LMX1A: variants seen among roughly 807,000 people sequenced by gnomAD.
The protein encoded by LMX1A is LIM homeobox transcription factor 1-alpha.
A neutral mutation model predicts 49.1 loss-of-function variants in LMX1A; 15 were observed. The ratio of observed to expected loss-of-function variants is 0.31; its 90% CI spans 0.20 to 0.47. The LOEUF (loss-of-function observed/expected upper bound fraction) is 0.47. Ranked by LOEUF, LMX1A falls within the 20% of genes least tolerant of loss-of-function variation. LMX1A has a pLI of 1.00. For missense variants in LMX1A, 372 were observed against 475.8 expected, an observed-to-expected ratio of 0.78 and a Z score of 2.03; for synonymous variants, 167 against 185.7, an observed-to-expected ratio of 0.90 and a Z score of 0.82.
chr1:165,292,321 A>C (rs1251460206), intron 3 of LMX1A, among the ~76,000 whole-genome samples: 2 of 152,206 alleles, frequency 1.3e-5, no homozygotes, highest in Non-Finnish European at 2.9e-5. Flanking sequence ...ATAGTTACCT[A>C]TTCAGAAAAC....
At chr1:165,256,075 C>T (rs1653225947) in intron 3 of LMX1A, among the ~76,000 whole-genome samples, 1 of 152,210 alleles carries the variant, frequency 6.6e-6, no homozygotes. Flanking sequence ...ATCTCCAGAG[C>T]ATAGTGCTGA....
Position 165,205,723 on chromosome 1 carries a change from G to C in LMX1A, c.988+141C>G, listed in dbSNP as rs936261216. On this transcript the variant is annotated intron_variant, in intron 8 of 8. Transcript: ENST00000342310. ...TTTCTCCTGTAGTCATTGGTTAGGC[G>C]ATTCTGGCAGTATTTTGTAGGGCAC... The C allele has an allele frequency of 6.9e-6, 5 of 720,108 alleles. No individual in the cohort carries two copies. In the African/African-American group the frequency reaches 9.0e-5, roughly 13 times the overall value. 44.6% of individuals were successfully genotyped at this position (720,108 alleles called of 1,614,324 possible).
chr1:165,322,299 T>G (rs6688855), intron 3 of LMX1A, among the ~76,000 whole-genome samples: 49,005 of 152,116 alleles, frequency 0.32, 8,709 homozygotes, highest in East Asian at 0.7. Flanking sequence ...AGAATTGTCA[T>G]GTGACCAAGC....
chr1:165,228,174 G>A (rs72702409), intron 4 of LMX1A, among the ~76,000 whole-genome samples: 225 of 152,308 alleles, frequency 1.5e-3, no homozygotes, highest in Non-Finnish European at 2.6e-3. Flanking sequence ...AGTGACTGAT[G>A]GAGAAGTCAG....
At chr1:165,286,065 G>C (rs1338860661) in intron 3 of LMX1A, among the ~76,000 whole-genome samples, 3 of 152,208 alleles carry the variant, frequency 2.0e-5, no homozygotes, top group East Asian at 1.9e-4. Context: ...GAATTGGCAT[G>C]AGGGCCCCTG....
At chr1:165,292,562 C>T (rs1007419645) in intron 3 of LMX1A, among the ~76,000 whole-genome samples, 10 of 152,340 alleles carry the variant, frequency 6.6e-5, no homozygotes, top group Admixed American at 6.5e-4. Flanking sequence ...TGGCATCAAT[C>T]TGTGCACCTA....
intron 4 of LMX1A, among the ~76,000 whole-genome samples, chr1:165,220,898 A>G (rs1182096333): frequency 6.6e-6 from 1 of 152,158 alleles, no homozygotes; most frequent in Non-Finnish European, 1.5e-5. Flanking sequence ...AAAATTCCTC[A>G]TGTCTCTGAG....
In LMX1A at chr1:165,355,804, TA is replaced by T. The variant is rs1278606361; in HGVS notation, c.-22-224del. 3 of 523,516 alleles carry T rather than the reference TA, an allele frequency of 5.7e-6. No individual in the cohort carries two copies. Among genetic ancestry groups the T allele is most frequent in the Non-Finnish European group, 1.0e-5 (3 of 295,140 alleles). The allele number at this position is 523,516 out of a possible 1,614,324, so 32.4% of individuals were successfully genotyped here. ...ACTTGAAGTCAACACGTTATGTACT[TA>T]GGCCTCCGCCCCCCAACTGCGTTTC... On this transcript the variant is annotated intron_variant, in intron 1 of 8. Transcript: ENST00000342310. This position sits in a 1 kb window ranked among gnomAD's most constrained non-coding sequence, Gnocchi z 4.7.
intron 3 of LMX1A, among the ~76,000 whole-genome samples, chr1:165,340,505 G>C (rs1015456690): frequency 1.3e-5 from 2 of 152,128 alleles, no homozygotes; most frequent in African/African-American, 4.8e-5. Flanking sequence ...CTGCCTCTGT[G>C]TCATCTCATT....
In LMX1A at chr1:165,205,891, T is replaced by A. The variant is rs1450653955; in HGVS notation, c.961A>T (p.Met321Leu). Reference protein sequence around the residue: ...PFRQGLTPPQMPGDHMHPYGA... With the variant: ...PFRQGLTPPQLPGDHMHPYGA... ...TAAGGGTGCATGTGGTCTCCAGGCA[T>A]CTGGGGTGGGGTGAGACCCTGTCGG... Residue 321 changes from methionine (M) to leucine (L), a missense_variant, in exon 8 of 9, where the codon ATG becomes TTG. Around this residue, in one of 3 missense-constraint regions of LMX1A, gnomAD observed 127 missense variants for 138.0 expected, o/e 0.92. Coordinates refer to ENST00000342310, the MANE Select transcript of LMX1A (RefSeq NM_177398.4). 6.2e-7 allele frequency: 1 copy of A among 1,613,822 alleles called. No individual in the cohort carries two copies. The highest frequency in any genetic ancestry group is 8.5e-7 in the Non-Finnish European group (1 of 1,179,990).
intron 3 of LMX1A, among the ~76,000 whole-genome samples, chr1:165,290,130 G>A (rs1412745367): frequency 6.6e-6 from 1 of 152,120 alleles, no homozygotes; most frequent in Non-Finnish European, 1.5e-5. Context: ...TCTACATCTG[G>A]CTCCCCTATT....
At chr1:165,291,511 A>G (rs539460578) in intron 3 of LMX1A, among the ~76,000 whole-genome samples, 56 of 152,316 alleles carry the variant, frequency 3.7e-4, no homozygotes, top group Non-Finnish European at 5.9e-4. Context: ...AGCATGTCTA[A>G]TCATCTATGA....
chr1:165,308,580 A>G (rs1353588787), intron 3 of LMX1A, among the ~76,000 whole-genome samples: 2 of 152,230 alleles, frequency 1.3e-5, no homozygotes, highest in Non-Finnish European at 2.9e-5. Flanking sequence ...CACTTTCTCA[A>G]AGTTGTATCA....
intron 3 of LMX1A, among the ~76,000 whole-genome samples, chr1:165,271,479 C>T (rs1314591939): frequency 6.6e-6 from 1 of 152,168 alleles, no homozygotes; most frequent in African/African-American, 2.4e-5. Context: ...TTTGTTGCAG[C>T]CCAAAACCTA....
rs1485821000 is a variant in LMX1A at position 165,249,503 on chromosome 1, T to G, written c.401A>C (p.Glu134Ala). Residue 134 changes from glutamate (E) to alanine (A), a missense_variant, in exon 4 of 9, where the codon GAG becomes GCG. Around this residue, in one of 3 missense-constraint regions of LMX1A, gnomAD observed 199 missense variants for 244.0 expected, o/e 0.82. Coordinates refer to ENST00000342310, the MANE Select transcript of LMX1A (RefSeq NM_177398.4). Reference sequence around the variant, plus strand: ...CAGCTGCCCCTCCTTCAGGACAAACTCATCACCCTTCTGAAGCTGTCGCTC... The same window carrying G: ...CAGCTGCCCCTCCTTCAGGACAAACGCATCACCCTTCTGAAGCTGTCGCTC... ...VCERQLQKGD[E>A]FVLKEGQLLC... is the part of the protein sequence containing the mutation. 2 of 1,614,054 alleles carry G rather than the reference T, an allele frequency of 1.2e-6. No individual in the cohort carries two copies. Among genetic ancestry groups the G allele is most frequent in the Non-Finnish European group, 8.5e-7 (1 of 1,180,004 alleles).
intron 8 of LMX1A, among the ~76,000 whole-genome samples, chr1:165,204,873 G>A (rs1264637490): frequency 6.6e-6 from 1 of 152,208 alleles, no homozygotes; most frequent in Non-Finnish European, 1.5e-5. Flanking sequence ...GAAGCCAAGA[G>A]GGTGGCTATC....
chr1:165,303,174 T>C (rs913774864), intron 3 of LMX1A, among the ~76,000 whole-genome samples: 1 of 152,200 alleles, frequency 6.6e-6, no homozygotes, highest in Non-Finnish European at 1.5e-5. Context: ...ACCAGGAATG[T>C]TGAGCTAGTG....
rs1258609452 is a variant in LMX1A, at chr1:165,352,203, T to C, written c.263+873A>G. On this transcript the variant is annotated intron_variant, in intron 3 of 8. Coordinates refer to ENST00000342310, the MANE Select transcript of LMX1A (RefSeq NM_177398.4). ...ATAAGGAAGTTCTTCTACCTCCCAC[T>C]TTCTGGCTTCATCCAGGCTTTAGTG... Among the ~76,000 whole-genome samples the C allele has an allele frequency of 2.0e-5, 3 of 152,276 alleles. No individual in the cohort carries two copies. In the East Asian group the frequency reaches 5.8e-4, roughly 29 times the overall value.
chr1:165,231,563 T>A (rs1226177085), intron 4 of LMX1A, among the ~76,000 whole-genome samples: 1 of 152,252 alleles, frequency 6.6e-6, no homozygotes, highest in African/African-American at 2.4e-5. Flanking sequence ...GAATTGCAGA[T>A]GTGAGCCAAT....
Sources: allele counts gnomAD v4.1 joint callset (sites outside exome capture counted in the v4.1 genomes callset), GRCh38; gene constraint gnomAD v4.1.1; regional missense constraint gnomAD v4.1.1; non-coding constraint Gnocchi (gnomAD v3.1); transcripts MANE v1.5; gene names NCBI Gene and HGNC (gene_info 2026-07-23, HGNC 2026-07-21).